The following ERBB4 variants were observed in gnomAD, a reference collection of about 807,000 sequenced individuals.
ERBB4 encodes erb-b2 receptor tyrosine kinase 4.
In ERBB4, 42 loss-of-function variants were observed where a neutral mutation model predicts 158.0. The ratio of observed to expected loss-of-function variants is 0.27; its 90% CI spans 0.21 to 0.34. The LOEUF is 0.34. ERBB4 is among the 10% of genes least tolerant of loss of function. The pLI is 1.00. For missense variants in ERBB4, 1,333 were observed against 1,624.1 expected, an observed-to-expected ratio of 0.82 and a Z score of 3.08; for synonymous variants, 583 against 558.7, an observed-to-expected ratio of 1.04 and a Z score of -0.61.
intron 1 of ERBB4, among the ~76,000 whole-genome samples, chr2:212,141,110 T>C (rs192182802): frequency 2.8e-4 from 43 of 152,010 alleles, no homozygotes; most frequent in African/African-American, 8.7e-4. Flanking sequence ...GGTTCAATAG[T>C]AGTATATTTC....
intron 1 of ERBB4, among the ~76,000 whole-genome samples, chr2:212,357,231 A>C (rs2089496020): frequency 6.6e-6 from 1 of 151,748 alleles, no homozygotes; most frequent in South Asian, 2.1e-4. Flanking sequence ...AAAAGGATTC[A>C]TTTTCTTTTA....
intron 1 of ERBB4, among the ~76,000 whole-genome samples, chr2:212,184,357 A>T (rs2081955571): frequency 6.6e-6 from 1 of 151,932 alleles, no homozygotes; most frequent in Non-Finnish European, 1.5e-5. Context: ...TCTCACCTTG[A>T]CTCCAAGTAC....
chr2:212,367,614 G>T, intron 1 of ERBB4, among the ~76,000 whole-genome samples: 1 of 152,092 alleles, frequency 6.6e-6, no homozygotes, highest in Admixed American at 6.6e-5. Context: ...AAGAGCTTTT[G>T]TACAGCAAAA....
At chr2:212,331,075 C>CGTATATATATATATATAT (rs961860230) in intron 1 of ERBB4, among the ~76,000 whole-genome samples, 2 of 21,362 alleles carry the variant, frequency 9.4e-5, no homozygotes, top group East Asian at 3.5e-3. Flanking sequence ...TATATATACA[C>CGTATATATATATATATAT]ATATATATAT....
intron 1 of ERBB4, among the ~76,000 whole-genome samples, chr2:212,392,927 T>G (rs2106441875): frequency 6.6e-6 from 1 of 152,136 alleles, no homozygotes; most frequent in South Asian, 2.1e-4. Flanking sequence ...CTTGTGCCAC[T>G]TTTGTTCCCC....
At chr2:211,471,324 C>T (rs978966851) in intron 20 of ERBB4, among the ~76,000 whole-genome samples, 2 of 152,100 alleles carry the variant, frequency 1.3e-5, no homozygotes, top group African/African-American at 4.8e-5. Context: ...ATTTCTAACA[C>T]ACAAAATCTG....
At chr2:212,252,841 CA>C (rs1447708453) in intron 1 of ERBB4, among the ~76,000 whole-genome samples, 2 of 152,016 alleles carry the variant, frequency 1.3e-5, no homozygotes, top group South Asian at 4.1e-4. Context: ...CCAATGCAGA[CA>C]TATGTATTGT....
intron 13 of ERBB4, among the ~76,000 whole-genome samples, chr2:211,677,140 T>G (rs1350101003): frequency 6.6e-6 from 1 of 152,246 alleles, no homozygotes; most frequent in Non-Finnish European, 1.5e-5. Flanking sequence ...AATATCATTA[T>G]GATCTATATA....
chr2:212,168,972 A>T (rs2081429901), intron 1 of ERBB4, among the ~76,000 whole-genome samples: 1 of 152,170 alleles, frequency 6.6e-6, no homozygotes, highest in Admixed American at 6.6e-5. Flanking sequence ...ATAAAATGAG[A>T]TAAACAATTT....
chr2:212,106,744 G>A (rs1046625481), intron 2 of ERBB4, among the ~76,000 whole-genome samples: 1 of 152,204 alleles, frequency 6.6e-6, no homozygotes, highest in African/African-American at 2.4e-5. Context: ...CTGGCCCAGG[G>A]TCCCTCTGCT....
intron 25 of ERBB4, among the ~76,000 whole-genome samples, chr2:211,419,901 T>C (rs2063478920): frequency 6.6e-6 from 1 of 152,088 alleles, no homozygotes; most frequent in Non-Finnish European, 1.5e-5. Context: ...AATCTACTTC[T>C]TAAAAACAAA....
At chr2:212,040,056 G>A (rs1451366838) in intron 2 of ERBB4, among the ~76,000 whole-genome samples, 1 of 151,034 alleles carries the variant, frequency 6.6e-6, no homozygotes, top group Admixed American at 6.6e-5. Flanking sequence ...TTAATTTCCA[G>A]AAGCTAAATA....
rs368424688 is a variant in ERBB4, at chr2:212,439,494, C to T, written c.82+98955G>A. Among the ~76,000 whole-genome samples the T allele has an allele frequency of 4.0e-5, 6 of 151,632 alleles. No homozygotes were observed. In the South Asian group the frequency reaches 6.3e-4, roughly 16 times the overall value. On this transcript the variant is annotated intron_variant, in intron 1 of 27. Transcript: ENST00000342788. Reference sequence around the variant, plus strand: ...ATGGATTCTAGGATATACCTTTCTCCCCATGAAAAAAAAATCTACACATTC... The same window carrying T: ...ATGGATTCTAGGATATACCTTTCTCTCCATGAAAAAAAAATCTACACATTC...
chr2:211,478,348 T>G (rs1193431348), intron 20 of ERBB4, among the ~76,000 whole-genome samples: 2 of 152,298 alleles, frequency 1.3e-5, no homozygotes, highest in East Asian at 3.9e-4. Flanking sequence ...TAGTATAGTT[T>G]AATGTCTCTA....
chr2:211,938,357 T>C (rs1191086046), intron 3 of ERBB4, among the ~76,000 whole-genome samples: 4 of 152,284 alleles, frequency 2.6e-5, no homozygotes, highest in African/African-American at 9.6e-5. Context: ...ATTCTGAGCC[T>C]GTCTTGTGAT....
chr2:211,986,874 C>CTTT (rs1559253711), intron 2 of ERBB4, among the ~76,000 whole-genome samples: 1 of 152,022 alleles, frequency 6.6e-6, no homozygotes. Context: ...TTAATATTTA[C>CTTT]AAAGACTCTG....
At chr2:212,085,665 G>A (rs1308225517) in intron 2 of ERBB4, among the ~76,000 whole-genome samples, 3 of 151,850 alleles carry the variant, frequency 2.0e-5, no homozygotes, top group Non-Finnish European at 4.4e-5. Flanking sequence ...AACTTTGAGA[G>A]TTGAGACTCT....
intron 1 of ERBB4, among the ~76,000 whole-genome samples, chr2:212,384,187 CAATTGTGACCCTATCTGTAGA>C (rs758594041): frequency 7.3e-5 from 11 of 151,582 alleles, no homozygotes; most frequent in Non-Finnish European, 1.6e-4. Context: ...TAAGTGACAG[CAATTGTGACCCTATCTGTAGA>C]AGTTTATGAG....
chr2:211,576,383 A>G (rs1361308840), intron 19 of ERBB4, among the ~76,000 whole-genome samples: 1 of 152,198 alleles, frequency 6.6e-6, no homozygotes, highest in Admixed American at 6.5e-5. Flanking sequence ...AAATTAACCA[A>G]TACTTTAGAA....
Sources: allele counts gnomAD v4.1 joint callset (sites outside exome capture counted in the v4.1 genomes callset), GRCh38; gene constraint gnomAD v4.1.1; transcripts MANE v1.5; gene names NCBI Gene and HGNC (gene_info 2026-07-23, HGNC 2026-07-21).